The following MYOM2 variants were observed in gnomAD, a reference collection of about 807,000 sequenced individuals.
MYOM2 encodes myomesin-2.
MYOM2 carries 254 observed loss-of-function variants against 187.6 expected under a neutral mutation model. The observed-to-expected ratio is 1.35, with a 90% CI of 1.22 to 1.50. MYOM2 has a LOEUF of 1.50. Among genes scored for constraint, MYOM2 ranks in the 40% most tolerant of loss-of-function variants. The probability of loss-of-function intolerance (pLI) is 0.00; values close to 1 mark genes in which losing one functional copy is unlikely to be tolerated. For missense variants in MYOM2, 2,796 were observed against 1,924.0 expected (o/e 1.45, Z -8.48); for synonymous variants, 981 against 753.8 (o/e 1.30, Z -4.94).
intron 31 of MYOM2, among the ~76,000 whole-genome samples, chr8:2,126,945 C>G (rs1797668309): frequency 8.7e-6 from 1 of 115,142 alleles, no homozygotes; most frequent in South Asian, 3.0e-4. Flanking sequence ...TGGAGGAGCA[C>G]TGGGGGAGGA....
chr8:2,104,267 T>C (rs1026732920), intron 21 of MYOM2, among the ~76,000 whole-genome samples: 2 of 152,198 alleles, frequency 1.3e-5, no homozygotes, highest in African/African-American at 4.8e-5. Flanking sequence ...GTCTATTTTG[T>C]GTTGCTGTAA....
At chr8:2,081,491 G>C (rs1175064834) in intron 13 of MYOM2, among the ~76,000 whole-genome samples, 1 of 152,242 alleles carries the variant, frequency 6.6e-6, no homozygotes, top group Non-Finnish European at 1.5e-5. Flanking sequence ...GACAGATCAG[G>C]GAGGAGGTGG....
rs564431620 is a variant in MYOM2 at position 2,123,164 on chromosome 8, G to T, written c.3454-88G>T. On this transcript the variant is annotated intron_variant, in intron 28 of 36. Coordinates refer to ENST00000262113, the MANE Select transcript of MYOM2 (RefSeq NM_003970.4). ...AAAAACTAAGGTTTTTTGAGGGGGG[G>T]GCTCTGTGATTTAAGATTCTAATAG... 1.8e-4 allele frequency: 148 copies of T among 832,792 alleles called. No homozygotes were observed. In the African/African-American group the frequency reaches 2.4e-3, roughly 14 times the overall value. 51.6% of individuals were successfully genotyped at this position (832,792 alleles called of 1,614,324 possible). A position where few individuals can be genotyped will look rare whatever the true frequency, so the allele number is the denominator to read the frequency against.
intron 25 of MYOM2, 124 bp downstream of exon 25, chr8:2,109,655 C>T (rs1163708630): frequency 3.7e-6 from 4 of 1,067,666 alleles, no homozygotes; most frequent in African/African-American, 1.6e-5. Flanking sequence ...AAGATTGGGG[C>T]ATGGAAGGTT....
intron 14 of MYOM2, among the ~76,000 whole-genome samples, chr8:2,089,005 C>T (rs544150097): frequency 2.0e-5 from 3 of 152,308 alleles, no homozygotes; most frequent in South Asian, 4.1e-4. Flanking sequence ...TGGGGGCTCC[C>T]ACCACAAACG....
chr8:2,102,727 G>C lies in MYOM2; in HGVS notation c.2680G>C (p.Gly894Arg), dbSNP rs763133482. 1 of 1,614,138 alleles carries C rather than the reference G, an allele frequency of 6.2e-7. No individual in the cohort carries two copies. The highest frequency in any genetic ancestry group is 8.5e-7 in the Non-Finnish European group (1 of 1,179,944). The change falls in exon 21 of 37, where the codon GGC becomes CGC. Residue 894 changes from glycine (G) to arginine (R), a missense_variant. Coordinates refer to ENST00000262113, the MANE Select transcript of MYOM2 (RefSeq NM_003970.4). ...CAGGGTCCGGGCAGTCAATGCAAATGGCGTGGGGAAGCCCTCAGACACGTC... is the reference window on the plus strand; with the variant it reads ...CAGGGTCCGGGCAGTCAATGCAAATCGCGTGGGGAAGCCCTCAGACACGTC... ...VFRVRAVNAN[G>R]VGKPSDTSEP...
chr8:2,109,457 C>T lies in MYOM2; in HGVS notation c.3106C>T (p.Leu1036Phe). The part of the protein sequence containing the change: ...IFDKGRVRFW[L>F]QAEHLSPDAS... ...TGATAAGGGGCGGGTTCGCTTCTGGCTCCAGGCTGAGCACTTATCACCAGA... is the reference window on the plus strand; with the variant it reads ...TGATAAGGGGCGGGTTCGCTTCTGGTTCCAGGCTGAGCACTTATCACCAGA... Residue 1036 changes from leucine (L) to phenylalanine (F), a missense_variant, in exon 25 of 37, where the codon CTC becomes TTC. Transcript: ENST00000262113. 6.2e-7 allele frequency: 1 copy of T among 1,613,322 alleles called. No individual in the cohort carries two copies. Among genetic ancestry groups the T allele is most frequent in the Non-Finnish European group, 8.5e-7 (1 of 1,179,652 alleles).
Position 2,085,574 on chromosome 8 carries a change from TGTTGTGATCTCTGCGTGGCCC to T in MYOM2, c.1644+185_1644+205del. The stretch of plus-strand genomic sequence containing the variant: ...TGTCATGATCTCTGCGTGGCCCCAC[TGTTGTGATCTCTGCGTGGCCC>T]CACTGTCGTGATCTCTGCGTGGCCC... On this transcript the variant is annotated intron_variant, in intron 14 of 36. Transcript: ENST00000262113. 1.2e-4 allele frequency among the ~76,000 whole-genome samples: 2 copies of T among 16,894 alleles called. 1 individual carries two copies. The highest frequency in any genetic ancestry group is 1.9e-4 in the Non-Finnish European group (2 of 10,694). The allele number at this position is 16,894 out of a possible 152,430, so 11.1% of individuals were successfully genotyped here.
intron 28 of MYOM2, among the ~76,000 whole-genome samples, chr8:2,118,673 TTAAAAA>T (rs1797326803): frequency 6.6e-6 from 1 of 151,948 alleles, no homozygotes; most frequent in Admixed American, 6.6e-5. Flanking sequence ...AACTGTGCAC[TTAAAAA>T]TAAAAACAAT....
rs6998712 is a variant in MYOM2 at position 2,123,436 on chromosome 8, A to G, written c.3567+71A>G. ...TTTCAAATAACTCGTAAATTCTACA[A>G]TCCTCTAATTTGCATCCTGAATTTC... is the stretch of plus-strand genomic sequence containing the variant. On this transcript the variant is annotated intron_variant, in intron 29 of 36. Coordinates refer to ENST00000262113, the MANE Select transcript of MYOM2 (RefSeq NM_003970.4). 15 of 1,461,258 alleles carry G rather than the reference A, an allele frequency of 1.0e-5. 1 individual carries two copies. The highest frequency in any genetic ancestry group is 4.5e-5 in the East Asian group (2 of 44,020). The allele number at this position is 1,461,258 out of a possible 1,614,324, so 90.5% of individuals were successfully genotyped here.
intron 20 of MYOM2, among the ~76,000 whole-genome samples, chr8:2,101,310 G>C (rs1163477335): frequency 6.6e-6 from 1 of 152,214 alleles, no homozygotes; most frequent in Non-Finnish European, 1.5e-5. Flanking sequence ...CTGAGACTGA[G>C]TCACCGCACT....
intron 6 of MYOM2, among the ~76,000 whole-genome samples, chr8:2,068,047 G>A (rs948621382): frequency 7.2e-5 from 11 of 152,134 alleles, no homozygotes; most frequent in African/African-American, 2.4e-4. Context: ...ATGGGTTTTC[G>A]GTGGTTTCAT....
chr8:2,119,332 A>G (rs1367665986), intron 28 of MYOM2: 1 of 152,542 alleles, frequency 6.6e-6, no homozygotes, highest in African/African-American at 2.4e-5. Flanking sequence ...TTGTCAGAGG[A>G]GAAGAGGAGA....
chr8:2,098,195 C>A (rs574362974), intron 18 of MYOM2: 1 of 152,220 alleles, frequency 6.6e-6, no homozygotes, highest in South Asian at 2.1e-4. Flanking sequence ...TATCTTACTT[C>A]GGAAGCTATT....
In MYOM2 at chr8:2,087,580, C is replaced by A. The variant is rs74435419; in HGVS notation, c.1644+2190C>A. On this transcript the variant is annotated intron_variant, in intron 14 of 36. Coordinates refer to ENST00000262113, the MANE Select transcript of MYOM2 (RefSeq NM_003970.4). ...GGCCCCTCATTCCCCTCATCTTCCA[C>A]CAATACCAGAAACACCAAGTTTGCA... 1.7e-3 allele frequency among the ~76,000 whole-genome samples: 261 copies of A among 152,318 alleles called. 3 individuals carry two copies. In the East Asian group the frequency reaches 0.041, roughly 24 times the overall value.
chr8:2,070,832 G>C (rs544268630), intron 8 of MYOM2, among the ~76,000 whole-genome samples: 10 of 152,176 alleles, frequency 6.6e-5, no homozygotes, highest in Non-Finnish European at 1.2e-4. Context: ...ATTGTACAGC[G>C]TACAGCTCAG....
At chr8:2,047,069 G>A (rs1254196736) in intron 1 of MYOM2, among the ~76,000 whole-genome samples, 1 of 152,160 alleles carries the variant, frequency 6.6e-6, no homozygotes, top group Non-Finnish European at 1.5e-5. Flanking sequence ...ATAAATGCAA[G>A]TATTCCACAG....
intron 6 of MYOM2, among the ~76,000 whole-genome samples, chr8:2,061,072 G>A (rs1020168302): frequency 1.2e-4 from 19 of 152,232 alleles, no homozygotes; most frequent in African/African-American, 3.9e-4. Context: ...ATCTGCTATC[G>A]AGGGAGGGGC....
At chr8:2,048,234 G>A (rs977804420) in intron 1 of MYOM2, among the ~76,000 whole-genome samples, 8 of 152,216 alleles carry the variant, frequency 5.3e-5, no homozygotes, top group Non-Finnish European at 1.0e-4. Flanking sequence ...CCTGGTATTC[G>A]TCAGGCTGAT....
Sources: gnomAD v4.1 joint callset for allele counts (sites outside exome capture counted in the v4.1 genomes callset) on GRCh38, gnomAD v4.1.1 for gene constraint, MANE v1.5 for transcripts, NCBI Gene and HGNC (gene_info 2026-07-23, HGNC 2026-07-21) for gene names.